MAPKAPK5: variants seen among roughly 807,000 people sequenced by gnomAD.
MAPKAPK5 encodes MAPK activated protein kinase 5, also known as MAP kinase-activated protein kinase 5.
In MAPKAPK5, 30 loss-of-function variants were observed where a neutral mutation model predicts 65.1. The ratio of observed to expected loss-of-function variants is 0.46; its 90% CI spans 0.34 to 0.63. MAPKAPK5 has a LOEUF of 0.63. MAPKAPK5 is among the 20% of genes least tolerant of loss of function. The pLI is 0.01. For missense variants in MAPKAPK5, 433 were observed against 581.4 expected (o/e 0.74, Z 2.63); for synonymous variants, 179 against 204.6 (o/e 0.87, Z 1.07).
intron 1 of MAPKAPK5, among the ~76,000 whole-genome samples, chr12:111,864,512 AAATAAG>A (rs1287103900): frequency 6.6e-6 from 1 of 152,172 alleles, no homozygotes; most frequent in Non-Finnish European, 1.5e-5. Context: ...CTCTTATAAT[AAATAAG>A]TGAGTGAATG....
chr12:111,843,023 C>T (rs1479459164), intron 1 of MAPKAPK5: 3 of 399,636 alleles, frequency 7.5e-6, no homozygotes, highest in East Asian at 3.6e-5. Flanking sequence ...GGTGAGTGGC[C>T]TGGAGACACT....
intron 1 of MAPKAPK5, among the ~76,000 whole-genome samples, chr12:111,845,562 G>A (rs1327535616): frequency 6.6e-6 from 1 of 151,818 alleles, no homozygotes; most frequent in African/African-American, 2.4e-5. Context: ...CAGCTTATAG[G>A]GTTTTTTGTT....
intron 7 of MAPKAPK5, 22 bp from the exon 8 acceptor site, chr12:111,880,425 C>T: frequency 6.2e-7 from 1 of 1,603,006 alleles, no homozygotes; most frequent in Non-Finnish European, 8.5e-7. Flanking sequence ...TAAATGGTCC[C>T]CTTTGGTCTG....
At chr12:111,867,382 T>C (rs1055123572) in intron 3 of MAPKAPK5, among the ~76,000 whole-genome samples, 190 bp from the exon 4 acceptor site, 2 of 152,210 alleles carry the variant, frequency 1.3e-5, no homozygotes, top group Non-Finnish European at 2.9e-5. Flanking sequence ...CAGTAGGAAG[T>C]AAATCTGTTG....
chr12:111,849,804 CCTT>C (rs745708981), intron 1 of MAPKAPK5, among the ~76,000 whole-genome samples: 9 of 152,018 alleles, frequency 5.9e-5, no homozygotes, highest in South Asian at 2.1e-4. Context: ...GCAGCCATGT[CCTT>C]CTAGGCTTAA....
At chr12:111,851,220 T>C (rs1431906092) in intron 1 of MAPKAPK5, among the ~76,000 whole-genome samples, 1 of 151,706 alleles carries the variant, frequency 6.6e-6, no homozygotes, top group African/African-American at 2.4e-5. Flanking sequence ...TAAAGTTTTT[T>C]TGACACAATG....
At position 111,886,024 on chromosome 12, in the gene MAPKAPK5, G is replaced by A. The variant is rs994739186; in HGVS notation, c.957G>A (p.Leu319=). The part of the protein sequence containing the change: ...ALDNVLPSAQ[L]MMDKAVVAGI... ...ATAATGTGCTGCCTTCTGCTCAGCT[G>A]ATGATGGACAAGGTTTTGAATGATG... Residue 319 remains leucine (L), a synonymous_variant, in exon 10 of 14, where the codon CTG becomes CTA. Transcript: ENST00000550735. 1.9e-5 allele frequency: 31 copies of A among 1,613,798 alleles called. No homozygotes were observed. The highest frequency in any genetic ancestry group is 3.3e-5 in the Admixed American group (2 of 59,992).
At position 111,893,342 on chromosome 12, in the gene MAPKAPK5, C is replaced by T. The variant is rs1054582005; in HGVS notation, c.*281C>T. 5.8e-6 allele frequency: 1 copy of T among 171,812 alleles called. No individual in the cohort carries two copies. Among genetic ancestry groups the T allele is most frequent in the Non-Finnish European group, 1.2e-5 (1 of 81,032 alleles). The allele number at this position is 171,812 out of a possible 1,614,324, so 10.6% of individuals were successfully genotyped here. The stretch of plus-strand genomic sequence containing the variant: ...ATTGTTTTATTTGTAATAAAATATA[C>T]AAAAATCACTTGCCAGCAGTAGAAA... On this transcript the variant is annotated 3_prime_UTR_variant, in exon 14 of 14. Transcript: ENST00000550735.
rs181538172 is a variant in MAPKAPK5 at position 111,842,664 on chromosome 12, C to T, written c.-70C>T. On this transcript the variant is annotated 5_prime_UTR_variant, in exon 1 of 14. Coordinates refer to ENST00000550735, the MANE Select transcript of MAPKAPK5 (RefSeq NM_003668.4). ...GGGCCCGAGTGCCGAGCCCTTTGCT[C>T]CCTCGGCCGCGCGGGGACAGGGCTG... 4.9e-6 allele frequency: 6 copies of T among 1,236,012 alleles called. No homozygotes were observed. Among genetic ancestry groups the T allele is most frequent in the African/African-American group, 1.6e-5 (1 of 64,210 alleles). The allele number at this position is 1,236,012 out of a possible 1,614,324, so 76.6% of individuals were successfully genotyped here.
At chr12:111,843,725 C>T (rs1373813933) in intron 1 of MAPKAPK5, among the ~76,000 whole-genome samples, 1 of 152,192 alleles carries the variant, frequency 6.6e-6, no homozygotes, top group African/African-American at 2.4e-5. Flanking sequence ...TATAGTTTCT[C>T]AAAATCATCA....
chr12:111,844,650 C>T (rs1386763772), intron 1 of MAPKAPK5, among the ~76,000 whole-genome samples: 1 of 152,206 alleles, frequency 6.6e-6, no homozygotes, highest in Admixed American at 6.5e-5. Flanking sequence ...CTAGATGTCC[C>T]TACTGTCATG....
Position 111,843,162 on chromosome 12 carries a change from C to G in MAPKAPK5, c.36+393C>G, listed in dbSNP as rs2068782674. On this transcript the variant is annotated intron_variant, in intron 1 of 13. Transcript: ENST00000550735. Reference sequence around the variant, plus strand: ...CTTGGAGAGTTGGAATTTATCCATCCCTCCCGATTTGTTTGAAATCAGCCT... The same window carrying G: ...CTTGGAGAGTTGGAATTTATCCATCGCTCCCGATTTGTTTGAAATCAGCCT... 1.0e-5 allele frequency: 4 copies of G among 398,512 alleles called. No homozygotes were observed. The Admixed American group carries it at 1.3e-4, about 13-fold the overall frequency. The allele number at this position is 398,512 out of a possible 1,614,324, so 24.7% of individuals were successfully genotyped here.
At chr12:111,871,571 A>T (rs2069786017) in intron 7 of MAPKAPK5, among the ~76,000 whole-genome samples, 1 of 152,150 alleles carries the variant, frequency 6.6e-6, no homozygotes, top group Non-Finnish European at 1.5e-5. Flanking sequence ...TGAACCTGGG[A>T]AGTGGAGGTT....
At chr12:111,870,242 A>C (rs545284205) in intron 5 of MAPKAPK5, 29 bp from the exon 6 acceptor site, 2 of 1,541,062 alleles carry the variant, frequency 1.3e-6, no homozygotes. Flanking sequence ...TTTTCTAAGA[A>C]GCGACTGTTT....
intron 1 of MAPKAPK5, among the ~76,000 whole-genome samples, chr12:111,856,747 A>T (rs1221319591): frequency 6.6e-6 from 1 of 152,126 alleles, no homozygotes; most frequent in Non-Finnish European, 1.5e-5. Context: ...TATGTATTAT[A>T]TATGTATATA....
At chr12:111,880,025 G>A (rs1227643350) in intron 7 of MAPKAPK5, 1 of 221,620 alleles carries the variant, frequency 4.5e-6, no homozygotes, top group Non-Finnish European at 9.2e-6. Flanking sequence ...ATGGTCTCAC[G>A]GTGGCAGTGG....
rs2071015988 is a variant in MAPKAPK5 at position 111,900,738 on chromosome 12, C to T, written c.*7677C>T. On this transcript the variant is annotated 3_prime_UTR_variant, in exon 14 of 14. Coordinates refer to ENST00000550735, the MANE Select transcript of MAPKAPK5 (RefSeq NM_003668.4). ...TCACCGTAAGGGATATCCTTGCTGT[C>T]CTTCTAGTCGTTCCTGTGATCTCCC... The T allele has an allele frequency of 2.2e-6, 1 of 455,954 alleles. No homozygotes were observed. The highest frequency in any genetic ancestry group is 1.5e-5 in the South Asian group (1 of 64,566). 28.2% of individuals were successfully genotyped at this position (455,954 alleles called of 1,614,324 possible). A position where few individuals can be genotyped will look rare whatever the true frequency, so the allele number is the denominator to read the frequency against.
chr12:111,856,135 G>A (rs568178999), intron 1 of MAPKAPK5, among the ~76,000 whole-genome samples: 2 of 152,172 alleles, frequency 1.3e-5, no homozygotes, highest in Non-Finnish European at 1.5e-5. Context: ...GATTACAGGC[G>A]TGAGCCACTG....
At chr12:111,876,171 C>T (rs2069958082) in intron 7 of MAPKAPK5, among the ~76,000 whole-genome samples, 1 of 140,886 alleles carries the variant, frequency 7.1e-6, no homozygotes, top group African/African-American at 2.7e-5. Context: ...TGAGCCATTG[C>T]ACTCCAGCCT....
Sources: allele counts gnomAD v4.1 joint callset (sites outside exome capture counted in the v4.1 genomes callset), GRCh38; gene constraint gnomAD v4.1.1; transcripts MANE v1.5; gene names NCBI Gene and HGNC (gene_info 2026-07-23, HGNC 2026-07-21).